The following UTP4 variants were observed in gnomAD, a reference collection of about 807,000 sequenced individuals.
UTP4 encodes the protein UTP4 small subunit processome component, also known as U3 small nucleolar RNA-associated protein 4 homolog.
UTP4 carries 45 observed loss-of-function variants against 82.4 expected under a neutral mutation model. The ratio of observed to expected loss-of-function variants is 0.55; its 90% CI spans 0.43 to 0.70. UTP4 has a LOEUF of 0.70. UTP4 is among the 30% of genes least tolerant of loss of function. UTP4 has a pLI of 0.00. For synonymous variants in UTP4, 348 were observed against 300.3 expected (o/e 1.16, Z -1.64); for missense variants, 819 against 858.3 (o/e 0.95, Z 0.57).
Position 69,143,272 on chromosome 16 carries a change from C to T in UTP4, c.621C>T (p.Gly207=), listed in dbSNP as rs2152278101. 6.2e-7 allele frequency: 1 copy of T among 1,614,166 alleles called. No individual in the cohort carries two copies. Among genetic ancestry groups the T allele is most frequent in the Non-Finnish European group, 8.5e-7 (1 of 1,180,016 alleles). Residue 207 remains glycine (G), a synonymous_variant, in exon 6 of 17, where the codon GGC becomes GGT. Transcript: ENST00000314423. ...GGGGTGTCGCCTTCTTGTCCGATGG[C>T]ACTATCATAAGTGTGGACTCTGCTG... The part of the protein sequence containing the change: ...IVWGVAFLSD[G]TIISVDSAGK...
At chr16:69,159,805 T>C (rs1963517850) in intron 12 of UTP4, among the ~76,000 whole-genome samples, 1 of 151,632 alleles carries the variant, frequency 6.6e-6, no homozygotes, top group Non-Finnish European at 1.5e-5. Flanking sequence ...CCAGCCAACA[T>C]GGTGAAACCC....
rs767410791 is a variant in UTP4 at position 69,163,171 on chromosome 16, A to G, written c.1640A>G (p.Asp547Gly). Residue 547 changes from aspartate (D) to glycine (G), a missense_variant, in exon 14 of 17, where the codon GAC (aspartate) becomes GGC (glycine). Coordinates refer to ENST00000314423, the MANE Select transcript of UTP4 (RefSeq NM_032830.3). ...NTNNLVIAHS[D>G]QQVFEYSIPD... The stretch of plus-strand genomic sequence containing the variant: ...AACAACCTTGTCATCGCTCATTCGG[A>G]CCAGCAGGTAAGGGAGATTCCAGTG... 1 of 1,612,024 alleles carries G rather than the reference A, an allele frequency of 6.2e-7. No homozygotes were observed. Among genetic ancestry groups the G allele is most frequent in the Admixed American group, 1.7e-5 (1 of 60,004 alleles).
intron 2 of UTP4, among the ~76,000 whole-genome samples, chr16:69,135,799 G>A (rs1261545752): frequency 6.6e-6 from 1 of 152,046 alleles, no homozygotes; most frequent in African/African-American, 2.4e-5. Context: ...GCCAAGGTGG[G>A]CAGATCACCT....
chr16:69,133,383 AT>A, intron 1 of UTP4, 74 bp from the exon 2 acceptor site: 2 of 1,431,662 alleles, frequency 1.4e-6, no homozygotes, highest in Non-Finnish European at 2.0e-6. Flanking sequence ...GAACAGTGAT[AT>A]TAAGGAACTG....
intron 14 of UTP4, among the ~76,000 whole-genome samples, chr16:69,163,685 A>T (rs1048506086): frequency 2.1e-5 from 2 of 95,332 alleles, no homozygotes; most frequent in African/African-American, 5.0e-5. Context: ...GGAGATCTTT[A>T]AAAAAAAAAA....
At chr16:69,149,358 C>T (rs1016799091) in intron 6 of UTP4, among the ~76,000 whole-genome samples, 4 of 151,432 alleles carry the variant, frequency 2.6e-5, no homozygotes, top group East Asian at 1.9e-4. Context: ...CCAGCCTGGG[C>T]GACAAGAGTG....
chr16:69,155,218 G>A (rs1437868721), intron 10 of UTP4, among the ~76,000 whole-genome samples: 1 of 152,026 alleles, frequency 6.6e-6, no homozygotes, highest in Non-Finnish European at 1.5e-5. Context: ...GTGTTATCCA[G>A]GCTGGAGAGC....
At chr16:69,150,493 C>T (rs755324545) in intron 6 of UTP4, 44 bp from the exon 7 acceptor site, 3 of 1,609,952 alleles carry the variant, frequency 1.9e-6, no homozygotes, top group Non-Finnish European at 8.5e-7. Flanking sequence ...CCAACCAGAC[C>T]TTGTTTTGCT....
chr16:69,136,903 T>G lies in UTP4; in HGVS notation c.351+16T>G. 6.2e-7 allele frequency: 1 copy of G among 1,613,502 alleles called. No homozygotes were observed. The highest frequency in any genetic ancestry group is 8.5e-7 in the Non-Finnish European group (1 of 1,179,424). On this transcript the variant is annotated intron_variant, in intron 3 of 16. Coordinates refer to ENST00000314423, the MANE Select transcript of UTP4 (RefSeq NM_032830.3). ...TCAACTTTTGGTTAGTAAGCAACTA[T>G]TGGTAATTCAAACCAAAATTTCTCT...
intron 6 of UTP4, among the ~76,000 whole-genome samples, chr16:69,149,632 A>G (rs1963207844): frequency 6.6e-6 from 1 of 152,124 alleles, no homozygotes; most frequent in Non-Finnish European, 1.5e-5. Context: ...GGCTCAAGTG[A>G]TCCTCCTACC....
intron 2 of UTP4, among the ~76,000 whole-genome samples, chr16:69,134,651 T>C (rs977591074): frequency 5.4e-5 from 8 of 147,164 alleles, no homozygotes; most frequent in Admixed American, 4.6e-4. Context: ...ATGAAGAACA[T>C]GCGCTGGCGT....
At chr16:69,151,291 G>A (rs1486801460) in intron 8 of UTP4, among the ~76,000 whole-genome samples, 2 of 150,406 alleles carry the variant, frequency 1.3e-5, no homozygotes, top group South Asian at 2.1e-4. Context: ...ACAAGTGTGA[G>A]CCACCACGCT....
chr16:69,146,919 C>T (rs1963126314), intron 6 of UTP4, among the ~76,000 whole-genome samples: 1 of 147,692 alleles, frequency 6.8e-6, no homozygotes, highest in African/African-American at 2.5e-5. Flanking sequence ...AGGAGAATGG[C>T]GTGAACCAGA....
At chr16:69,165,715 A>G (rs1963686015) in intron 15 of UTP4, 189 bp downstream of exon 15, 4 of 670,096 alleles carry the variant, frequency 6.0e-6, no homozygotes, top group South Asian at 5.1e-5. Flanking sequence ...GTGTTCCCAC[A>G]GTTCTTCGGG....
Position 69,153,537 on chromosome 16 carries a change from T to C in UTP4, c.1003-47T>C. The C allele has an allele frequency of 2.2e-6, 3 of 1,339,888 alleles. No individual in the cohort carries two copies. In the South Asian group the frequency reaches 3.6e-5, roughly 16 times the overall value. The allele number at this position is 1,339,888 out of a possible 1,614,324, so 83.0% of individuals were successfully genotyped here. A position where few individuals can be genotyped will look rare whatever the true frequency, so the allele number is the denominator to read the frequency against. On this transcript the variant is annotated intron_variant, in intron 8 of 16. Coordinates refer to ENST00000314423, the MANE Select transcript of UTP4 (RefSeq NM_032830.3). ...GCTACTGTATCTGGTACTAAGGCAG[T>C]AGATGACCCTGACTTATTTTTTTAA...
Position 69,143,408 on chromosome 16 carries a change from T to A in UTP4, c.738+19T>A. 6.2e-7 allele frequency: 1 copy of A among 1,610,156 alleles called. No individual in the cohort carries two copies. Among genetic ancestry groups the A allele is most frequent in the Non-Finnish European group, 8.5e-7 (1 of 1,176,444 alleles). On this transcript the variant is annotated intron_variant, in intron 6 of 16. Coordinates refer to ENST00000314423, the MANE Select transcript of UTP4 (RefSeq NM_032830.3). ...AGCTGACGTGAGTACAGTCCCTGTT[T>A]AGAGTGGTTGATGTACACCCTTGTG...
chr16:69,158,218 C>T (rs570670980), intron 12 of UTP4, among the ~76,000 whole-genome samples: 41 of 113,720 alleles, frequency 3.6e-4, no homozygotes, highest in South Asian at 9.5e-4. Flanking sequence ...GTTGCCGAGG[C>T]TGGAGTGCAG....
chr16:69,168,296 C>T (rs1442115003), intron 16 of UTP4, among the ~76,000 whole-genome samples: 4 of 151,762 alleles, frequency 2.6e-5, no homozygotes, highest in African/African-American at 9.7e-5. Context: ...ATTAGCCGGG[C>T]GTGGTGGTGG....
chr16:69,140,022 A>G (rs1473595062), intron 5 of UTP4, 108 bp downstream of exon 5: 1 of 808,538 alleles, frequency 1.2e-6, no homozygotes, highest in African/African-American at 1.7e-5. Context: ...TTATGGCCTA[A>G]CATGTCATTA....
Sources: gnomAD v4.1 joint callset for allele counts (sites outside exome capture counted in the v4.1 genomes callset) on GRCh38, gnomAD v4.1.1 for gene constraint, MANE v1.5 for transcripts, NCBI Gene and HGNC (gene_info 2026-07-23, HGNC 2026-07-21) for gene names.